The following FGF10 variants were observed in gnomAD, a reference collection of about 807,000 sequenced individuals.
FGF10 encodes the protein FGF-10.
FGF10 carries 2 observed loss-of-function variants against 19.8 expected under a neutral mutation model. That is an observed-to-expected ratio of 0.10 (90% CI 0.04 to 0.32). FGF10 has a LOEUF of 0.32. Ranked by LOEUF, FGF10 falls within the 10% of genes least tolerant of loss-of-function variation. The pLI is 1.00. For missense variants in FGF10, 191 were observed against 246.3 expected (o/e 0.78, Z 1.50); for synonymous variants, 112 against 94.0 (o/e 1.19, Z -1.10).
chr5:44,367,300 G>A (rs115797471), intron 1 of FGF10, among the ~76,000 whole-genome samples: 2,082 of 152,060 alleles, frequency 0.014, 51 homozygotes, highest in African/African-American at 0.047. Flanking sequence ...AACATTTGTA[G>A]ATGGCAAGAA....
intron 1 of FGF10, among the ~76,000 whole-genome samples, chr5:44,375,039 T>C (rs973338076): frequency 6.6e-6 from 1 of 152,170 alleles, no homozygotes; most frequent in Non-Finnish European, 1.5e-5. Flanking sequence ...TCATTTTAGG[T>C]AGGTAGCATA....
intron 1 of FGF10, among the ~76,000 whole-genome samples, chr5:44,351,261 T>A (rs1741226627): frequency 1.3e-5 from 2 of 151,548 alleles, no homozygotes; most frequent in African/African-American, 4.8e-5. Flanking sequence ...TCAATTTTCT[T>A]ATATAAATAA....
chr5:44,354,490 C>A (rs1260863514), intron 1 of FGF10, among the ~76,000 whole-genome samples: 1 of 151,478 alleles, frequency 6.6e-6, no homozygotes. Context: ...AATCAACTTA[C>A]TCTTACATCT....
At chr5:44,375,406 G>A (rs1282782775) in intron 1 of FGF10, among the ~76,000 whole-genome samples, 1 of 152,126 alleles carries the variant, frequency 6.6e-6, no homozygotes, top group Non-Finnish European at 1.5e-5. Context: ...GGGAAAGAGG[G>A]CAGGGACATC....
At chr5:44,315,212 T>C (rs1177818582) in intron 1 of FGF10, among the ~76,000 whole-genome samples, 3 of 149,420 alleles carry the variant, frequency 2.0e-5, no homozygotes, top group Admixed American at 6.6e-5. Flanking sequence ...AAAGAAAATA[T>C]ATTAAGTGTG....
intron 2 of FGF10, 84 bp downstream of exon 2, chr5:44,310,343 G>A: frequency 1.2e-6 from 1 of 867,726 alleles, no homozygotes. Flanking sequence ...GGATAACAAA[G>A]CTATTCGGTG....
At chr5:44,328,351 T>C (rs1413727081) in intron 1 of FGF10, among the ~76,000 whole-genome samples, 2 of 152,230 alleles carry the variant, frequency 1.3e-5, no homozygotes, top group African/African-American at 4.8e-5. Flanking sequence ...TTGTTTTCTT[T>C]ACAAGATACT....
intron 1 of FGF10, among the ~76,000 whole-genome samples, chr5:44,351,548 C>T (rs1469642952): frequency 2.6e-5 from 4 of 151,408 alleles, no homozygotes; most frequent in Admixed American, 6.6e-5. Flanking sequence ...TCAAAAATAC[C>T]GTTTAATTAA....
At position 44,388,549 on chromosome 5, in the gene FGF10, A is replaced by T. The variant is rs1232465320; in HGVS notation, c.134T>A (p.Val45Glu). 14 of 1,614,078 alleles carry T rather than the reference A, an allele frequency of 8.7e-6. No homozygotes were observed. Among genetic ancestry groups the T allele is most frequent in the Non-Finnish European group, 1.1e-5 (13 of 1,180,040 alleles). Residue 45 changes from valine (V) to glutamate (E), a missense_variant, in exon 1 of 3, where the codon GTG becomes GAG. Physicochemically the swap from Val to Glu is moderately radical, Grantham distance 121 (BLOSUM62 -2). Around this residue, in one of 2 missense-constraint regions of FGF10, gnomAD observed 92 missense variants for 84.6 expected, o/e 1.09. Coordinates refer to ENST00000264664, the MANE Select transcript of FGF10 (RefSeq NM_004465.2). ...VTCQALGQDMVSPEATNSSSS... is the reference protein window; with the variant it reads ...VTCQALGQDMESPEATNSSSS... ...AGAAGAGTTGGTGGCCTCTGGTGAC[A>T]CCATGTCCTGACCAAGGGCTTGGCA...
chr5:44,382,237 T>C (rs1742001262), intron 1 of FGF10, among the ~76,000 whole-genome samples: 1 of 152,170 alleles, frequency 6.6e-6, no homozygotes, highest in Non-Finnish European at 1.5e-5. Flanking sequence ...TTTGATGTAT[T>C]GTGCCAATTA....
chr5:44,310,335 A>C (rs1292033662), intron 2 of FGF10, 92 bp downstream of exon 2: 1 of 826,694 alleles, frequency 1.2e-6, no homozygotes, highest in Non-Finnish European at 2.1e-6. Context: ...CAATAGAAGG[A>C]TAACAAAGCT....
At position 44,358,099 on chromosome 5, in the gene FGF10, A is replaced by C. The variant is rs1579930439; in HGVS notation, c.325+30259T>G. ...ACCCTACTTTTGTTTAGGAACAGAA[A>C]GAATATTATACATAAGAACATTATG... is the stretch of plus-strand genomic sequence containing the variant. On this transcript the variant is annotated intron_variant, in intron 1 of 2. Coordinates refer to ENST00000264664, the MANE Select transcript of FGF10 (RefSeq NM_004465.2). 2.0e-5 allele frequency among the ~76,000 whole-genome samples: 3 copies of C among 151,538 alleles called. No homozygotes were observed. In the South Asian group the frequency reaches 6.2e-4, roughly 31 times the overall value.
At chr5:44,350,695 A>G (rs1390984993) in intron 1 of FGF10, among the ~76,000 whole-genome samples, 1 of 151,050 alleles carries the variant, frequency 6.6e-6, no homozygotes, top group Admixed American at 6.6e-5. Flanking sequence ...GATGTATCAA[A>G]TTTTTTTAAA....
chr5:44,360,612 C>A (rs1349073626), intron 1 of FGF10, among the ~76,000 whole-genome samples: 1 of 151,590 alleles, frequency 6.6e-6, no homozygotes, highest in Non-Finnish European at 1.5e-5. Context: ...TATGTCATTT[C>A]TTTTGCATCA....
At chr5:44,334,725 T>G (rs902089178) in intron 1 of FGF10, among the ~76,000 whole-genome samples, 3 of 152,120 alleles carry the variant, frequency 2.0e-5, no homozygotes, top group African/African-American at 4.8e-5. Flanking sequence ...TCACTAGCTC[T>G]AAAAAAATGA....
intron 1 of FGF10, among the ~76,000 whole-genome samples, chr5:44,377,702 A>T (rs1741896828): frequency 6.6e-6 from 1 of 152,086 alleles, no homozygotes; most frequent in African/African-American, 2.4e-5. Flanking sequence ...AATGCTTGGG[A>T]TCAGAAAGGT....
At chr5:44,367,694 A>T (rs184216327) in intron 1 of FGF10, among the ~76,000 whole-genome samples, 8 of 152,180 alleles carry the variant, frequency 5.3e-5, no homozygotes, top group African/African-American at 1.9e-4. Flanking sequence ...AGGCCTAAGC[A>T]TTCAATATCA....
intron 2 of FGF10, among the ~76,000 whole-genome samples, chr5:44,309,767 A>G (rs1219386949): frequency 7.2e-5 from 11 of 152,152 alleles, no homozygotes; most frequent in South Asian, 4.1e-4. Flanking sequence ...CCAAGATTGC[A>G]GAAGTGGTAT....
At chr5:44,344,603 T>TGTGTG (rs58735673) in intron 1 of FGF10, among the ~76,000 whole-genome samples, 1 of 149,256 alleles carries the variant, frequency 6.7e-6, no homozygotes, top group Non-Finnish European at 1.5e-5. Flanking sequence ...TGTGTGTGTG[T>TGTGTG]TAAACCAACT....
Sources: allele counts gnomAD v4.1 joint callset (sites outside exome capture counted in the v4.1 genomes callset), GRCh38; gene constraint gnomAD v4.1.1; regional missense constraint gnomAD v4.1.1; transcripts MANE v1.5; gene names NCBI Gene and HGNC (gene_info 2026-07-23, HGNC 2026-07-21).